Variants in PCDH11Y observed in about 807,000 individuals in gnomAD.
PCDH11Y encodes the protein protocadherin-11 Y-linked.
For missense variants in PCDH11Y, 12 were observed against 224.8 expected (o/e 0.05, Z 6.05); for synonymous variants, 9 against 83.6 (o/e 0.11, Z 4.87).
intron 4 of PCDH11Y, among the ~76,000 whole-genome samples, chrY:5,724,402 A>C: frequency 2.9e-5 from 1 of 34,105 alleles, no homozygotes; most frequent in Non-Finnish European, 7.4e-5. Context: ...CAAAACATTT[A>C]ATGGTGAAAT....
chrY:5,349,225 A>C (rs2053155404), intron 2 of PCDH11Y, among the ~76,000 whole-genome samples: 1 of 32,287 alleles, frequency 3.1e-5, no homozygotes, highest in Non-Finnish European at 7.5e-5. Context: ...ATTTAGTCCC[A>C]GGCCATTTGG....
At chrY:5,664,308 G>C in intron 4 of PCDH11Y, among the ~76,000 whole-genome samples, 1 of 33,055 alleles carries the variant, frequency 3.0e-5, no homozygotes, top group South Asian at 6.8e-4. Flanking sequence ...GTGGAGGCCT[G>C]GAATAAAAAG....
chrY:5,445,415 T>TCTTCTTCCTCTTC, intron 2 of PCDH11Y, among the ~76,000 whole-genome samples: 1 of 29,546 alleles, frequency 3.4e-5, no homozygotes, highest in East Asian at 9.2e-4. Flanking sequence ...TCCTCCTCTT[T>TCTTCTTCCTCTTC]CTTCTTCCTC....
intron 4 of PCDH11Y, among the ~76,000 whole-genome samples, chrY:5,667,183 A>T: frequency 1.4e-4 from 4 of 28,941 alleles, no homozygotes; most frequent in Admixed American, 1.3e-3. Context: ...TTACATTAAC[A>T]TGTTTATTCT....
At chrY:5,587,219 T>C in intron 4 of PCDH11Y, among the ~76,000 whole-genome samples, 1 of 32,232 alleles carries the variant, frequency 3.1e-5, no homozygotes, top group Non-Finnish European at 7.7e-5. Flanking sequence ...TTAATTTCTA[T>C]GTGAGTGTAT....
chrY:5,626,304 G>C, intron 4 of PCDH11Y, among the ~76,000 whole-genome samples: 1 of 30,513 alleles, frequency 3.3e-5, no homozygotes, highest in Non-Finnish European at 7.9e-5. Flanking sequence ...TTTTTTCTTT[G>C]AGTCTAGCTA....
intron 1 of PCDH11Y, among the ~76,000 whole-genome samples, chrY:5,088,285 C>T: frequency 3.1e-5 from 1 of 32,016 alleles, no homozygotes; most frequent in African/African-American, 1.2e-4. Context: ...ATATTTCTGA[C>T]CAACCACCCA....
intron 2 of PCDH11Y, among the ~76,000 whole-genome samples, chrY:5,294,397 C>T: frequency 6.2e-5 from 2 of 32,317 alleles, no homozygotes; most frequent in African/African-American, 2.4e-4. Context: ...GCTGGGATTA[C>T]AGACATGCAC....
intron 2 of PCDH11Y, among the ~76,000 whole-genome samples, chrY:5,280,717 A>T (rs2124660709): frequency 6.1e-5 from 2 of 32,841 alleles, no homozygotes; most frequent in Admixed American, 2.8e-4. Context: ...GAATTAATTT[A>T]CTCTCCCACC....
intron 1 of PCDH11Y, among the ~76,000 whole-genome samples, chrY:5,020,191 T>C (rs2052567365): frequency 3.2e-5 from 1 of 31,229 alleles, no homozygotes; most frequent in East Asian, 8.4e-4. Context: ...TTCCACAAAG[T>C]TGAATAGAGG....
At chrY:5,692,078 A>G (rs2053568264) in intron 4 of PCDH11Y, among the ~76,000 whole-genome samples, 2 of 33,311 alleles carry the variant, frequency 6.0e-5, no homozygotes, top group African/African-American at 2.4e-4. Flanking sequence ...AAATAAATAA[A>G]TAAATAAATA....
intron 2 of PCDH11Y, among the ~76,000 whole-genome samples, chrY:5,352,112 C>G: frequency 3.3e-5 from 1 of 30,645 alleles, no homozygotes; most frequent in Non-Finnish European, 7.8e-5. Context: ...GTTATCTTTC[C>G]GCCCACTTTT....
chrY:5,531,463 C>T, intron 3 of PCDH11Y, among the ~76,000 whole-genome samples: 5 of 32,913 alleles, frequency 1.5e-4, no homozygotes, highest in East Asian at 8.0e-4. Flanking sequence ...AAAATATAAA[C>T]GGCCAGGTAA....
chrY:5,435,154 C>T, intron 2 of PCDH11Y, among the ~76,000 whole-genome samples: 1 of 33,009 alleles, frequency 3.0e-5, no homozygotes, highest in Non-Finnish European at 7.4e-5. Flanking sequence ...GACATAGAAG[C>T]TTACAGCCTC....
intron 2 of PCDH11Y, among the ~76,000 whole-genome samples, chrY:5,243,302 T>C: frequency 2.9e-5 from 1 of 33,969 alleles, no homozygotes; most frequent in Admixed American, 2.7e-4. Flanking sequence ...GGTGTTTGCA[T>C]GTGTACACAC....
chrY:5,336,443 T>C, intron 2 of PCDH11Y, among the ~76,000 whole-genome samples: 2 of 29,643 alleles, frequency 6.7e-5, no homozygotes, highest in Non-Finnish European at 1.6e-4. Context: ...GCTAATTTTT[T>C]TGTATTTTTA....
chrY:5,737,924 G>A, exon 5 of PCDH11Y: 1 of 398,841 alleles, frequency 2.5e-6, no homozygotes. Flanking sequence ...CCCCCATTAT[G>A]GAAACACATC....
chrY:5,020,879 T>C, intron 1 of PCDH11Y, among the ~76,000 whole-genome samples: 6 of 33,731 alleles, frequency 1.8e-4, no homozygotes, highest in Non-Finnish European at 4.4e-4. Flanking sequence ...TATTAGACAT[T>C]AGTATTTATG....
At chrY:5,384,947 G>C (rs2053210647) in intron 2 of PCDH11Y, among the ~76,000 whole-genome samples, 1 of 30,101 alleles carries the variant, frequency 3.3e-5, no homozygotes, top group Non-Finnish European at 7.9e-5. Context: ...GTTTCAGTTT[G>C]ATTATAAGGC....
Sources: allele counts gnomAD v4.1 joint callset (sites outside exome capture counted in the v4.1 genomes callset), GRCh38; gene constraint gnomAD v4.1.1; transcripts MANE v1.5; gene names NCBI Gene and HGNC (gene_info 2026-07-23, HGNC 2026-07-21).